Variants in ACSS2 observed in about 807,000 individuals in gnomAD.
ACSS2 encodes acetyl-coenzyme A synthetase, cytoplasmic.
Under a neutral mutation model 90.6 loss-of-function variants are expected in ACSS2, and 58 were observed. The ratio of observed to expected loss-of-function variants is 0.64; its 90% CI spans 0.52 to 0.80. ACSS2 has a LOEUF of 0.80. Ranked by LOEUF, ACSS2 falls within the 30% of genes least tolerant of loss-of-function variation. The probability of loss-of-function intolerance (pLI) is 0.00; values close to 1 mark genes in which losing one functional copy is unlikely to be tolerated. For missense variants in ACSS2, 759 were observed against 912.0 expected (o/e 0.83, Z 2.16); for synonymous variants, 300 against 330.9 (o/e 0.91, Z 1.01).
At chr20:34,914,259 G>A in intron 6 of ACSS2, 64 bp from the exon 7 acceptor site, 2 of 1,603,308 alleles carry the variant, frequency 1.2e-6, no homozygotes, top group Non-Finnish European at 8.5e-7. Context: ...ATGGACATGG[G>A]TGGGTCTTGC....
chr20:34,899,650 G>A (rs1025845249), intron 2 of ACSS2, among the ~76,000 whole-genome samples: 5 of 151,732 alleles, frequency 3.3e-5, no homozygotes, highest in South Asian at 2.1e-4. Flanking sequence ...CACCACGCCC[G>A]GCTAATTTTT....
At chr20:34,891,082 T>A (rs1296840796) in intron 2 of ACSS2, among the ~76,000 whole-genome samples, 1 of 152,158 alleles carries the variant, frequency 6.6e-6, no homozygotes, top group Admixed American at 6.5e-5. Flanking sequence ...CCATATCACC[T>A]TGACAAATCT....
At chr20:34,912,954 A>G in intron 2 of ACSS2, 142 bp from the exon 3 acceptor site, 1 of 718,170 alleles carries the variant, frequency 1.4e-6, no homozygotes, top group South Asian at 1.6e-5. Context: ...GGTGATGGCA[A>G]GATTGATGGT....
intron 5 of ACSS2, 48 bp downstream of exon 5, chr20:34,913,873 C>G: frequency 6.3e-7 from 1 of 1,577,918 alleles, no homozygotes; most frequent in Non-Finnish European, 8.7e-7. Flanking sequence ...TACCTCAAGC[C>G]TTGGTCTCCA....
At chr20:34,911,251 A>G (rs2080950164) in intron 2 of ACSS2, among the ~76,000 whole-genome samples, 1 of 149,002 alleles carries the variant, frequency 6.7e-6, no homozygotes. Context: ...ACAGTGGCAC[A>G]ATCTTGGCCC....
At position 34,913,845 on chromosome 20, in the gene ACSS2, C is replaced by A; in HGVS notation, c.643+20C>A. 1 of 1,608,766 alleles carries A rather than the reference C, an allele frequency of 6.2e-7. No individual in the cohort carries two copies. Among genetic ancestry groups the A allele is most frequent in the Non-Finnish European group, 8.5e-7 (1 of 1,175,240 alleles). On this transcript the variant is annotated intron_variant, in intron 5 of 17. Coordinates refer to ENST00000360596, the MANE Select transcript of ACSS2 (RefSeq NM_018677.4). ...CTACAGGTGACTAATTCTCTCACCT[C>A]TTCTCCAGAACCCCCCATACCTCAA... is the stretch of plus-strand genomic sequence containing the variant.
chr20:34,899,183 T>C (rs2080561649), intron 2 of ACSS2, among the ~76,000 whole-genome samples: 1 of 152,118 alleles, frequency 6.6e-6, no homozygotes, highest in Non-Finnish European at 1.5e-5. Flanking sequence ...CTCGGGCCTC[T>C]CCCTCCGCAC....
Position 34,919,575 on chromosome 20 carries a change from AAGTG to A in ACSS2, c.972+4_972+7del. The A allele has an allele frequency of 6.5e-7, 1 of 1,549,664 alleles. No individual in the cohort carries two copies. The highest frequency in any genetic ancestry group is 8.7e-7 in the Non-Finnish European group (1 of 1,152,008). On this transcript the variant is annotated splice_donor_5th_base_variant and intron_variant, in intron 8 of 17. Coordinates refer to ENST00000360596, the MANE Select transcript of ACSS2 (RefSeq NM_018677.4). ...GTGGCTCCACAGGCAAACCCAAGGC[AAGTG>A]TGTGTGTGTGTGTGTGTGTGTGTGT...
chr20:34,923,853 G>A (rs895510536), intron 14 of ACSS2, among the ~76,000 whole-genome samples: 1 of 78,168 alleles, frequency 1.3e-5, no homozygotes, highest in African/African-American at 5.0e-5. Flanking sequence ...CTCCCACCAG[G>A]CCCCACCTCT....
chr20:34,910,752 T>C (rs2080932617), intron 2 of ACSS2, among the ~76,000 whole-genome samples: 1 of 152,262 alleles, frequency 6.6e-6, no homozygotes, highest in Non-Finnish European at 1.5e-5. Flanking sequence ...TATCTTTTTA[T>C]GTAGTCCCAC....
intron 14 of ACSS2, among the ~76,000 whole-genome samples, chr20:34,923,805 C>T (rs1373791070): frequency 1.5e-5 from 2 of 134,364 alleles, no homozygotes; most frequent in Admixed American, 7.5e-5. Flanking sequence ...GATCTGTCCC[C>T]CCCGCCCCCC....
chr20:34,895,070 A>G (rs1467759392), intron 2 of ACSS2, among the ~76,000 whole-genome samples: 2 of 152,208 alleles, frequency 1.3e-5, no homozygotes, highest in African/African-American at 4.8e-5. Flanking sequence ...ACCATTGAAA[A>G]ATTATTTAGA....
rs747572708 is a variant in ACSS2 at position 34,882,793 on chromosome 20, G to T, written c.179-1G>T. ...TATCTGGGCTTCCATTTCTGTTGCAGAATTCTGGGGAGACATTGCCAAGGA... is the reference window on the plus strand; with the variant it reads ...TATCTGGGCTTCCATTTCTGTTGCATAATTCTGGGGAGACATTGCCAAGGA... On this transcript the variant is annotated splice_acceptor_variant, in intron 1 of 17. Coordinates refer to ENST00000360596, the MANE Select transcript of ACSS2 (RefSeq NM_018677.4). LOFTEE classifies it high-confidence loss of function. 6.2e-7 allele frequency: 1 copy of T among 1,610,302 alleles called. No homozygotes were observed. The highest frequency in any genetic ancestry group is 8.5e-7 in the Non-Finnish European group (1 of 1,178,982).
At chr20:34,914,219 GC>G (rs752897920) in intron 6 of ACSS2, 48 bp downstream of exon 6, 5 of 1,611,282 alleles carry the variant, frequency 3.1e-6, no homozygotes, top group Non-Finnish European at 4.2e-6. Context: ...TTTCCCCAGT[GC>G]CAGGTTCCCT....
chr20:34,908,756 G>A (rs1314591783), intron 2 of ACSS2: 3 of 336,534 alleles, frequency 8.9e-6, no homozygotes, highest in African/African-American at 6.7e-5. Context: ...AGCTACTCAG[G>A]AGTCTGAGGC....
intron 2 of ACSS2, among the ~76,000 whole-genome samples, chr20:34,897,938 G>T (rs1395866933): frequency 2.6e-5 from 4 of 152,204 alleles, no homozygotes; most frequent in African/African-American, 9.7e-5. Flanking sequence ...GAATTGGTGG[G>T]TTCTTGGTCT....
In ACSS2 at chr20:34,926,152, G is replaced by A. The variant is rs1242849536; in HGVS notation, c.1774G>A (p.Glu592Lys). 3 of 1,614,242 alleles carry A rather than the reference G, an allele frequency of 1.9e-6. No individual in the cohort carries two copies. The highest frequency in any genetic ancestry group is 2.5e-6 in the Non-Finnish European group (3 of 1,180,040). ...AEVESALVEH[E>K]AVAEAAVVGH... Reference sequence around the variant, plus strand: ...GGTGGAGTCAGCACTTGTGGAACATGAGGCTGTTGCAGAGGCAGCTGTGGT... The same window carrying A: ...GGTGGAGTCAGCACTTGTGGAACATAAGGCTGTTGCAGAGGCAGCTGTGGT... Residue 592 changes from glutamate to lysine, a missense_variant, in exon 16 of 18, where the codon GAG becomes AAG. Physicochemically the swap from Glu to Lys is moderately conservative, Grantham distance 56 (BLOSUM62 1). Coordinates refer to ENST00000360596, the MANE Select transcript of ACSS2 (RefSeq NM_018677.4).
rs551203686 is a variant in ACSS2, at chr20:34,877,060, T to C, written c.178+237T>C. Reference sequence around the variant, plus strand: ...GGTCCGTGGTGGAGATGCGGGTTTTTGCGAGGAGACGCGGGATTCCGTGAG... The same window carrying C: ...GGTCCGTGGTGGAGATGCGGGTTTTCGCGAGGAGACGCGGGATTCCGTGAG... On this transcript the variant is annotated intron_variant, in intron 1 of 17. Transcript: ENST00000360596. 3.3e-5 allele frequency among the ~76,000 whole-genome samples: 5 copies of C among 152,270 alleles called. No individual in the cohort carries two copies. In the East Asian group the frequency reaches 7.7e-4, roughly 24 times the overall value.
chr20:34,907,456 C>T (rs1374199133), intron 2 of ACSS2, among the ~76,000 whole-genome samples: 2 of 152,182 alleles, frequency 1.3e-5, no homozygotes, highest in Non-Finnish European at 2.9e-5. Context: ...ACACTGTGCA[C>T]ATAGGTGGCT....
Sources: allele counts gnomAD v4.1 joint callset (sites outside exome capture counted in the v4.1 genomes callset), GRCh38; gene constraint gnomAD v4.1.1; transcripts MANE v1.5; gene names NCBI Gene and HGNC (gene_info 2026-07-23, HGNC 2026-07-21).